Variants in RGS9BP observed in about 807,000 individuals in gnomAD.
The protein encoded by RGS9BP is regulator of G protein signaling 9-binding protein.
In RGS9BP, 1 loss-of-function variant was observed where a neutral mutation model predicts 3.8. That is an observed-to-expected ratio of 0.26 (90% CI 0.09 to 1.24). The LOEUF is 1.24. Among genes scored for constraint, RGS9BP ranks in the 50% most tolerant of loss-of-function variants. RGS9BP has a pLI of 0.48. For synonymous variants in RGS9BP, 200 were observed against 177.8 expected, an observed-to-expected ratio of 1.13 and a Z score of -1.00; for missense variants, 363 against 344.3, an observed-to-expected ratio of 1.05 and a Z score of -0.43.
rs746139509 is a variant in RGS9BP, at chr19:32,676,543, C to T, written c.280C>T (p.Arg94Ter). The T allele has an allele frequency of 6.7e-7, 1 of 1,486,536 alleles. No individual in the cohort carries two copies. Among genetic ancestry groups the T allele is most frequent in the Non-Finnish European group, 8.9e-7 (1 of 1,126,772 alleles). 92.1% of individuals were successfully genotyped at this position (1,486,536 alleles called of 1,614,324 possible). ...GCLDLLEADM[R>*]RALELGAAFP... ...CCTGGACCTGCTGGAAGCGGACATG[C>T]GACGCGCGCTGGAGCTGGGCGCCGC... Residue 94 changes from arginine (R) to a stop codon, truncating the protein, a stop_gained, in exon 1 of 1, where the codon CGA (arginine) becomes TGA (stop). Transcript: ENST00000334176. LOFTEE classifies it low-confidence loss of function (END_TRUNC).
chr19:32,676,884 CCCCAGGAAGGCCCTGGCCGCCA>C lies in RGS9BP; in HGVS notation c.622_643del (p.Pro208SerfsTer13), dbSNP rs746234717. ...TGCAGGAGCGCGGGGGGGGTTGCGA[CCCCAGGAAGGCCCTGGCCGCCA>C]TCCTTTTCGGCGCCGTGCTGCTGGC... On this transcript the variant is annotated frameshift_variant, in exon 1 of 1. Transcript: ENST00000334176. LOFTEE classifies it high-confidence loss of function. 10 of 1,596,346 alleles carry C rather than the reference CCCCAGGAAGGCCCTGGCCGCCA, an allele frequency of 6.3e-6. No homozygotes were observed. In the East Asian group the frequency reaches 2.2e-4, roughly 36 times the overall value.
In RGS9BP at chr19:32,676,576, C is replaced by G; in HGVS notation, c.313C>G (p.Leu105Val). The change falls in exon 1 of 1, where the codon CTG becomes GTG. Residue 105 changes from leucine (L) to valine (V), a missense_variant. Physicochemically the swap from Leu to Val is conservative, Grantham distance 32. Coordinates refer to ENST00000334176, the MANE Select transcript of RGS9BP (RefSeq NM_207391.3). ...GCTGGAGCTGGGCGCCGCGTTCCCG[C>G]TGCACGCGCCGCGGCGGCCGCTGGT... ...RALELGAAFP[L>V]HAPRRPLVRT... is the part of the protein sequence containing the mutation. The G allele has an allele frequency of 7.1e-7, 1 of 1,405,030 alleles. No individual in the cohort carries two copies. The allele number at this position is 1,405,030 out of a possible 1,614,324, so 87.0% of individuals were successfully genotyped here.
rs1327460514 is a variant in RGS9BP at position 32,676,493 on chromosome 19, G to T, written c.230G>T (p.Arg77Leu). Residue 77 changes from arginine (R) to leucine (L), a missense_variant, in exon 1 of 1, where the codon CGG becomes CTG. Arg to Leu is a moderately radical substitution (Grantham distance 102). Coordinates refer to ENST00000334176, the MANE Select transcript of RGS9BP (RefSeq NM_207391.3). Reference sequence around the variant, plus strand: ...GCCGACGAGCGCGCCGAGTTCGAGCGGCTCTGGGTGGCCTTCTCGGGCTGC... The same window carrying T: ...GCCGACGAGCGCGCCGAGTTCGAGCTGCTCTGGGTGGCCTTCTCGGGCTGC... ...LAADERAEFERLWVAFSGCLD... is the reference protein window; with the variant it reads ...LAADERAEFELLWVAFSGCLD... The T allele has an allele frequency of 6.5e-7, 1 of 1,542,120 alleles. No homozygotes were observed. The highest frequency in any genetic ancestry group is 1.2e-5 in the South Asian group (1 of 84,832).
chr19:32,676,933 G>A lies in RGS9BP; in HGVS notation c.670G>A (p.Ala224Thr). 1 of 1,602,888 alleles carries A rather than the reference G, an allele frequency of 6.2e-7. No individual in the cohort carries two copies. Residue 224 changes from alanine to threonine, a missense_variant, in exon 1 of 1, where the codon GCT (alanine) becomes ACT (threonine). Transcript: ENST00000334176. ...CCTTTTCGGCGCCGTGCTGCTGGCG[G>A]CTGTGGCCCTAGCCGTGTGCGTGGC... ...AILFGAVLLA[A>T]VALAVCVAKL...
rs1462380061 is a variant in RGS9BP, at chr19:32,676,575, G to A, written c.312G>A (p.Pro104=). The part of the protein sequence containing the change: ...RRALELGAAF[P]LHAPRRPLVR... The stretch of plus-strand genomic sequence containing the variant: ...CGCTGGAGCTGGGCGCCGCGTTCCC[G>A]CTGCACGCGCCGCGGCGGCCGCTGG... The change falls in exon 1 of 1, where the codon CCG becomes CCA. Residue 104 remains proline (P), a synonymous_variant. Transcript: ENST00000334176. 2.1e-6 allele frequency: 3 copies of A among 1,405,748 alleles called. No individual in the cohort carries two copies. Among genetic ancestry groups the A allele is most frequent in the Admixed American group, 3.5e-5 (1 of 28,232 alleles). 87.1% of individuals were successfully genotyped at this position (1,405,748 alleles called of 1,614,324 possible). A position where few individuals can be genotyped will look rare whatever the true frequency, so the allele number is the denominator to read the frequency against.
chr19:32,678,266 T>TCC lies in RGS9BP; in HGVS notation c.*1305_*1306dup, dbSNP rs78742181. ...CATCTACTTCTGAAGTTGATAGTCT[T>TCC]CCCCCCCCCCCACTTTTTTCTTTTT... is the stretch of plus-strand genomic sequence containing the variant. On this transcript the variant is annotated 3_prime_UTR_variant, in exon 1 of 1. Coordinates refer to ENST00000334176, the MANE Select transcript of RGS9BP (RefSeq NM_207391.3). The TCC allele has an allele frequency of 0.026, 3,184 of 122,560 alleles. 167 individuals carry two copies. The highest frequency in any genetic ancestry group is 0.077 in the African/African-American group (1,970 of 25,674). The allele number at this position is 122,560 out of a possible 1,614,324, so 7.6% of individuals were successfully genotyped here.
In RGS9BP at chr19:32,677,286, G is replaced by T; in HGVS notation, c.*315G>T. 2.8e-6 allele frequency: 1 copy of T among 356,942 alleles called. No homozygotes were observed. Among genetic ancestry groups the T allele is most frequent in the South Asian group, 4.5e-5 (1 of 22,288 alleles). The allele number at this position is 356,942 out of a possible 1,614,324, so 22.1% of individuals were successfully genotyped here. On this transcript the variant is annotated 3_prime_UTR_variant, in exon 1 of 1. Transcript: ENST00000334176. ...GAGTTAACACATGTGCTGTTGGGGC[G>T]TCTTTACAGGGAGTCCGAGTTCGGT...
In RGS9BP at chr19:32,676,009, T is replaced by TGC; in HGVS notation, c.-252_-251dup. On this transcript the variant is annotated 5_prime_UTR_variant, in exon 1 of 1. Transcript: ENST00000334176. ...CAGAGACACGACGTGTGACTCGGAG[T>TGC]GCGCCTGGGGAGGATGGACGAGGGA... 2.1e-6 allele frequency: 1 copy of TGC among 478,874 alleles called. No individual in the cohort carries two copies. Among genetic ancestry groups the TGC allele is most frequent in the East Asian group, 3.7e-5 (1 of 27,214 alleles). 29.7% of individuals were successfully genotyped at this position (478,874 alleles called of 1,614,324 possible). A position where few individuals can be genotyped will look rare whatever the true frequency, so the allele number is the denominator to read the frequency against.
At position 32,676,901 on chromosome 19, in the gene RGS9BP, C is replaced by T; in HGVS notation, c.638C>T (p.Ala213Val). ...GGTTGCGACCCCAGGAAGGCCCTGG[C>T]CGCCATCCTTTTCGGCGCCGTGCTG... Reference protein sequence around the residue: ...GGGCDPRKALAAILFGAVLLA... With the variant: ...GGGCDPRKALVAILFGAVLLA... Residue 213 changes from alanine (A) to valine (V), a missense_variant, in exon 1 of 1, where the codon GCC (alanine) becomes GTC (valine). Ala to Val is a moderately conservative substitution (Grantham distance 64, BLOSUM62 0). Coordinates refer to ENST00000334176, the MANE Select transcript of RGS9BP (RefSeq NM_207391.3). The T allele has an allele frequency of 6.3e-7, 1 of 1,599,688 alleles. No homozygotes were observed.
chr19:32,677,222 G>A lies in RGS9BP; in HGVS notation c.*251G>A. 2 of 577,726 alleles carry A rather than the reference G, an allele frequency of 3.5e-6. No individual in the cohort carries two copies. The allele number at this position is 577,726 out of a possible 1,614,324, so 35.8% of individuals were successfully genotyped here. On this transcript the variant is annotated 3_prime_UTR_variant, in exon 1 of 1. Coordinates refer to ENST00000334176, the MANE Select transcript of RGS9BP (RefSeq NM_207391.3). ...GCAGGAGCTTTATTCCCTATTAATA[G>A]AAAACCGTCACAGTGACCCTAGATC...
At position 32,678,211 on chromosome 19, in the gene RGS9BP, G is replaced by T. The variant is rs1208109923; in HGVS notation, c.*1240G>T. 6.0e-6 allele frequency: 1 copy of T among 166,404 alleles called. No individual in the cohort carries two copies. Among genetic ancestry groups the T allele is most frequent in the East Asian group, 1.9e-4 (1 of 5,170 alleles). 10.3% of individuals were successfully genotyped at this position (166,404 alleles called of 1,614,324 possible). On this transcript the variant is annotated 3_prime_UTR_variant, in exon 1 of 1. Coordinates refer to ENST00000334176, the MANE Select transcript of RGS9BP (RefSeq NM_207391.3). ...AATGAGTCAAACATAGTATCTTTAT[G>T]TAGATACTTAGATTACTAAATATAT...
At position 32,676,260 on chromosome 19, in the gene RGS9BP, C is replaced by T. The variant is rs1482527447; in HGVS notation, c.-4C>T. The stretch of plus-strand genomic sequence containing the variant: ...GCGGCCGGGCCCAGCCGGAGCCCAC[C>T]GCGATGGCGAGGGAGGAGTGCAAGG... On this transcript the variant is annotated 5_prime_UTR_variant, in exon 1 of 1. Coordinates refer to ENST00000334176, the MANE Select transcript of RGS9BP (RefSeq NM_207391.3). 1 of 1,576,792 alleles carries T rather than the reference C, an allele frequency of 6.3e-7. No individual in the cohort carries two copies. Among genetic ancestry groups the T allele is most frequent in the Non-Finnish European group, 8.6e-7 (1 of 1,157,362 alleles).
In RGS9BP at chr19:32,676,872, G is replaced by A; in HGVS notation, c.609G>A (p.Gly203=). 1.9e-6 allele frequency: 3 copies of A among 1,594,978 alleles called. No individual in the cohort carries two copies. Among genetic ancestry groups the A allele is most frequent in the South Asian group, 1.1e-5 (1 of 89,902 alleles). Residue 203 remains glycine (G), a synonymous_variant, in exon 1 of 1, where the codon GGG becomes GGA. Transcript: ENST00000334176. ...CGGTCGTGTCCTTGCAGGAGCGCGG[G>A]GGGGGTTGCGACCCCAGGAAGGCCC... ...PSSVVSLQER[G]GGCDPRKALA... is the part of the protein sequence containing the mutation.
chr19:32,676,010 G>A lies in RGS9BP; in HGVS notation c.-254G>A. On this transcript the variant is annotated 5_prime_UTR_variant, in exon 1 of 1. Transcript: ENST00000334176. ...AGAGACACGACGTGTGACTCGGAGT[G>A]CGCCTGGGGAGGATGGACGAGGGAG... 2.0e-6 allele frequency: 1 copy of A among 488,336 alleles called. No homozygotes were observed. The highest frequency in any genetic ancestry group is 2.1e-5 in the African/African-American group (1 of 48,640). The allele number at this position is 488,336 out of a possible 1,614,324, so 30.3% of individuals were successfully genotyped here.
chr19:32,676,705 C>G lies in RGS9BP; in HGVS notation c.442C>G (p.Arg148Gly). Residue 148 changes from arginine to glycine, a missense_variant, in exon 1 of 1, where the codon CGG (arginine) becomes GGG (glycine). Arg to Gly is a moderately radical substitution (Grantham distance 125). Transcript: ENST00000334176. Reference sequence around the variant, plus strand: ...GGGCGACTTCGACGTCGCGGACCTGCGGGAGCTGGAGCGCGAGGTCCTTCA... The same window carrying G: ...GGGCGACTTCGACGTCGCGGACCTGGGGGAGCTGGAGCGCGAGGTCCTTCA... Reference protein sequence around the residue: ...AEGDFDVADLRELEREVLQVG... With the variant: ...AEGDFDVADLGELEREVLQVG... The G allele has an allele frequency of 6.5e-7, 1 of 1,540,372 alleles. No individual in the cohort carries two copies.
chr19:32,676,185 T>TG lies in RGS9BP; in HGVS notation c.-74dup. The TG allele has an allele frequency of 1.0e-6, 1 of 962,982 alleles. No homozygotes were observed. Among genetic ancestry groups the TG allele is most frequent in the East Asian group, 2.7e-5 (1 of 36,636 alleles). 59.7% of individuals were successfully genotyped at this position (962,982 alleles called of 1,614,324 possible). A position where few individuals can be genotyped will look rare whatever the true frequency, so the allele number is the denominator to read the frequency against. On this transcript the variant is annotated 5_prime_UTR_variant, in exon 1 of 1. It introduces an in-frame stop codon into an upstream open reading frame of the 5' UTR. Transcript: ENST00000334176. ...CGTGCCGCGCGGCCCAAGGCCGGGA[T>TG]GGGGGTTAGCCACATCCTGCCGCGC...
In RGS9BP at chr19:32,677,718, A is replaced by G; in HGVS notation, c.*747A>G. 6.0e-6 allele frequency: 1 copy of G among 167,210 alleles called. No individual in the cohort carries two copies. The highest frequency in any genetic ancestry group is 1.5e-5 in the Non-Finnish European group (1 of 68,162). The allele number at this position is 167,210 out of a possible 1,614,324, so 10.4% of individuals were successfully genotyped here. ...CAGTGCGCACACTTGCCTGCGGAAA[A>G]GGGCTCTCCCCAGCCACCCGGAGAT... On this transcript the variant is annotated 3_prime_UTR_variant, in exon 1 of 1. Transcript: ENST00000334176.
Position 32,676,067 on chromosome 19 carries a change from G to T in RGS9BP, c.-197G>T, listed in dbSNP as rs1967989689. 3.8e-6 allele frequency: 2 copies of T among 532,646 alleles called. No homozygotes were observed. The highest frequency in any genetic ancestry group is 2.6e-5 in the South Asian group (1 of 38,602). 33.0% of individuals were successfully genotyped at this position (532,646 alleles called of 1,614,324 possible). ...ACCGCTAACGGGGCTCCCTCTGCGC[G>T]CCCCGTCCGCAGAGGCGCACGTCGA... On this transcript the variant is annotated 5_prime_UTR_variant, in exon 1 of 1. Transcript: ENST00000334176.
rs3826926 is a variant in RGS9BP, at chr19:32,676,302, C to G, written c.39C>G (p.Leu13=). ...AGTGCAAGGCGCTGCTGGACGGGCT[C>G]AACAAGACGACTGCGTGCTACCACC... ...REECKALLDG[L]NKTTACYHHL... is the part of the protein sequence containing the mutation. The change falls in exon 1 of 1, where the codon CTC becomes CTG. Residue 13 remains leucine, a synonymous_variant. Coordinates refer to ENST00000334176, the MANE Select transcript of RGS9BP (RefSeq NM_207391.3). The G allele has an allele frequency of 0.043, 69,368 of 1,607,320 alleles. 2,453 individuals are homozygous for G. Among genetic ancestry groups the G allele is most frequent in the East Asian group, 0.23 (10,154 of 44,580 alleles).
Sources: gnomAD v4.1 joint callset for allele counts on GRCh38, gnomAD v4.1.1 for gene constraint, MANE v1.5 for transcripts, NCBI Gene and HGNC (gene_info 2026-07-23, HGNC 2026-07-21) for gene names.